Variants in TTLL3 observed in about 807,000 individuals in gnomAD.
The protein encoded by TTLL3 is tubulin tyrosine ligase like 3, also known as tubulin monoglycylase TTLL3.
In TTLL3, 63 loss-of-function variants were observed where a neutral mutation model predicts 75.2. The observed-to-expected ratio is 0.84, with a 90% CI of 0.68 to 1.03. TTLL3 has a LOEUF of 1.03. Ranked by LOEUF, TTLL3 falls within the 50% of genes least tolerant of loss-of-function variation. TTLL3 has a pLI of 0.00. For synonymous variants in TTLL3, 393 were observed against 418.5 expected (o/e 0.94, Z 0.74); for missense variants, 997 against 1,069.9 (o/e 0.93, Z 0.95).
chr3:9,810,501 A>C lies in TTLL3; in HGVS notation c.-42+107A>C, dbSNP rs778902447. On this transcript the variant is annotated intron_variant, in intron 1 of 13. Coordinates refer to ENST00000685419, the MANE Select transcript of TTLL3 (RefSeq NM_001387446.1). The surrounding 1 kb of genome is among the most constrained non-coding windows in gnomAD (Gnocchi z 4.4). ...GGGAGAAGAGCGGCTGAGGGTGGGC[A>C]TCTGGATGAAGGCAGGAGGAAGAAA... is the stretch of plus-strand genomic sequence containing the variant. 12 of 1,456,718 alleles carry C rather than the reference A, an allele frequency of 8.2e-6. No individual in the cohort carries two copies. The highest frequency in any genetic ancestry group is 1.1e-5 in the Non-Finnish European group (12 of 1,103,230). The allele number at this position is 1,456,718 out of a possible 1,614,324, so 90.2% of individuals were successfully genotyped here. A position where few individuals can be genotyped will look rare whatever the true frequency, so the allele number is the denominator to read the frequency against.
At chr3:9,818,613 C>A (rs761597467) in intron 6 of TTLL3, 73 of 1,359,436 alleles carry the variant, frequency 5.4e-5, no homozygotes, top group Non-Finnish European at 6.7e-5. Context: ...CATGATCCAT[C>A]CACCTCAGCC....
At chr3:9,833,705 C>A (rs1359636944) in intron 12 of TTLL3, among the ~76,000 whole-genome samples, 1 of 152,086 alleles carries the variant, frequency 6.6e-6, no homozygotes, top group Non-Finnish European at 1.5e-5. Flanking sequence ...ATTAGCTGGG[C>A]ACGGTGGTGT....
Position 9,813,066 on chromosome 3 carries a change from G to C in TTLL3, c.172G>C (p.Asp58His). The change falls in exon 3 of 14, where the codon GAT becomes CAT. Residue 58 changes from aspartate to histidine, a missense_variant. Asp to His is a moderately conservative substitution (Grantham distance 81). Coordinates refer to ENST00000685419, the MANE Select transcript of TTLL3 (RefSeq NM_001387446.1). ...SGPTLLPPQK[D>H]LDSSAMGDSD... The stretch of plus-strand genomic sequence containing the variant: ...CCCCACCCTGCTGCCACCCCAGAAG[G>C]ATCTGGATAGCTCAGCGATGGGTGA... 1 of 1,586,912 alleles carries C rather than the reference G, an allele frequency of 6.3e-7. No individual in the cohort carries two copies. The highest frequency in any genetic ancestry group is 8.6e-7 in the Non-Finnish European group (1 of 1,164,034).
In TTLL3 at chr3:9,835,807, T is replaced by A; in HGVS notation, c.*318T>A. On this transcript the variant is annotated 3_prime_UTR_variant, in exon 14 of 14. Transcript: ENST00000685419. Reference sequence around the variant, plus strand: ...TAATGCCATGAGACAGGGGAAGGAATTGGCCTTGCCTAAACCTCAGCCCTT... The same window carrying A: ...TAATGCCATGAGACAGGGGAAGGAAATGGCCTTGCCTAAACCTCAGCCCTT... 1 of 316,360 alleles carries A rather than the reference T, an allele frequency of 3.2e-6. No homozygotes were observed. The highest frequency in any genetic ancestry group is 5.8e-6 in the Non-Finnish European group (1 of 172,206). The allele number at this position is 316,360 out of a possible 1,614,324, so 19.6% of individuals were successfully genotyped here.
chr3:9,813,574 G>C (rs1160284811), intron 4 of TTLL3, among the ~76,000 whole-genome samples: 2 of 152,106 alleles, frequency 1.3e-5, no homozygotes, highest in Non-Finnish European at 2.9e-5. Flanking sequence ...GAGGCTAGGA[G>C]TTCAAGACCA....
intron 11 of TTLL3, 136 bp downstream of exon 11, chr3:9,829,531 T>C: frequency 8.6e-7 from 1 of 1,164,380 alleles, no homozygotes; most frequent in Admixed American, 3.2e-5. Context: ...TAAGGTGACC[T>C]CACTTCCTTG....
intron 13 of TTLL3, 30 bp from the exon 14 acceptor site, chr3:9,835,064 C>G (rs2081955971): frequency 1.9e-6 from 3 of 1,589,236 alleles, no homozygotes; most frequent in African/African-American, 1.3e-5. Context: ...TTCTGATCAT[C>G]TCCCTCTTCT....
At chr3:9,821,358 A>G (rs2080393658) in intron 8 of TTLL3, among the ~76,000 whole-genome samples, 1 of 152,186 alleles carries the variant, frequency 6.6e-6, no homozygotes, top group Non-Finnish European at 1.5e-5. Flanking sequence ...TGAAGGCAGA[A>G]CACACAGTAA....
rs1244752274 is a variant in TTLL3, at chr3:9,836,060, A to G, written c.*571A>G. ...TATGGTGGCTCACACCTGTTATCCCAGCACTTTGAGAGGCCAAGGCAGGAG... is the reference window on the plus strand; with the variant it reads ...TATGGTGGCTCACACCTGTTATCCCGGCACTTTGAGAGGCCAAGGCAGGAG... On this transcript the variant is annotated 3_prime_UTR_variant, in exon 14 of 14. Transcript: ENST00000685419. The G allele has an allele frequency of 7.6e-6, 1 of 131,960 alleles. No individual in the cohort carries two copies. The highest frequency in any genetic ancestry group is 1.7e-5 in the Non-Finnish European group (1 of 58,254). 8.2% of individuals were successfully genotyped at this position (131,960 alleles called of 1,614,324 possible). A position where few individuals can be genotyped will look rare whatever the true frequency, so the allele number is the denominator to read the frequency against.
intron 11 of TTLL3, 38 bp from the exon 12 acceptor site, chr3:9,833,066 C>G (rs1356111098): frequency 1.2e-6 from 2 of 1,612,052 alleles, no homozygotes; most frequent in Non-Finnish European, 1.7e-6. Flanking sequence ...TCCAGTACCA[C>G]TGACTGAGTG....
chr3:9,815,878 G>A (rs913585934), intron 4 of TTLL3, among the ~76,000 whole-genome samples, 196 bp from the exon 5 acceptor site: 12 of 152,214 alleles, frequency 7.9e-5, no homozygotes, highest in African/African-American at 2.9e-4. Flanking sequence ...AGGCTGGCTT[G>A]CTCTCTGCCC....
rs1241025401 is a variant in TTLL3 at position 9,835,274 on chromosome 3, C to T, written c.2233C>T (p.Pro745Ser). 6 of 1,613,984 alleles carry T rather than the reference C, an allele frequency of 3.7e-6. No homozygotes were observed. In the African/African-American group the frequency reaches 8.0e-5, roughly 22 times the overall value. ...CATGAAGAGGCTGAGCCCCCTGAAA[C>T]CCCTGCCCCTTGTTGGTACATTCCA... The part of the protein sequence containing the change: ...CPMKRLSPLK[P>S]LPLVGTFQRR... Residue 745 changes from proline to serine, a missense_variant, in exon 14 of 14, where the codon CCC becomes TCC. Coordinates refer to ENST00000685419, the MANE Select transcript of TTLL3 (RefSeq NM_001387446.1).
Position 9,810,780 on chromosome 3 carries a change from C to T in TTLL3, c.48+71C>T. 1 of 1,366,110 alleles carries T rather than the reference C, an allele frequency of 7.3e-7. No homozygotes were observed. The highest frequency in any genetic ancestry group is 1.4e-5 in the South Asian group (1 of 73,516). 84.6% of individuals were successfully genotyped at this position (1,366,110 alleles called of 1,614,324 possible). ...TCAGCCTGTCTCCCTGCGCTGTTTT[C>T]TTATATCCTTAAAAAACAAAAGCAA... is the stretch of plus-strand genomic sequence containing the variant. On this transcript the variant is annotated intron_variant, in intron 2 of 13. Coordinates refer to ENST00000685419, the MANE Select transcript of TTLL3 (RefSeq NM_001387446.1). This position sits in a 1 kb window ranked among gnomAD's most constrained non-coding sequence, Gnocchi z 4.4.
At chr3:9,814,261 A>T (rs2079611102) in intron 4 of TTLL3, among the ~76,000 whole-genome samples, 2 of 151,700 alleles carry the variant, frequency 1.3e-5, no homozygotes. Context: ...ACTTGAACCC[A>T]GGAGGTGGAA....
chr3:9,825,980 A>G (rs764185853), intron 9 of TTLL3, 32 bp downstream of exon 9: 2 of 1,604,262 alleles, frequency 1.2e-6, no homozygotes, highest in South Asian at 2.2e-5. Context: ...CTGCACTGGC[A>G]CCTCACCACC....
intron 11 of TTLL3, among the ~76,000 whole-genome samples, chr3:9,830,000 G>A (rs577287809): frequency 4.3e-4 from 66 of 152,196 alleles, no homozygotes; most frequent in Non-Finnish European, 7.8e-4. Context: ...CTACCACCAC[G>A]CCTGGCTAAT....
chr3:9,816,107 A>G lies in TTLL3; in HGVS notation c.349A>G (p.Ile117Val), dbSNP rs1184056158. The G allele has an allele frequency of 1.5e-6, 2 of 1,352,446 alleles. No individual in the cohort carries two copies. The highest frequency in any genetic ancestry group is 1.2e-5 in the South Asian group (1 of 84,742). The allele number at this position is 1,352,446 out of a possible 1,614,324, so 83.8% of individuals were successfully genotyped here. ...RMVQNEIPYF[I>V]WTTRRDVLDC... ...GGTCCAGAATGAGATCCCCTACTTC[A>G]TCTGGACCACTCGGCGGGATGTGCT... The change falls in exon 5 of 14, where the codon ATC (isoleucine) becomes GTC (valine). Residue 117 changes from isoleucine (I) to valine (V), a missense_variant. Transcript: ENST00000685419.
intron 7 of TTLL3, chr3:9,819,511 C>T (rs1019808691): frequency 2.0e-6 from 2 of 988,346 alleles, no homozygotes; most frequent in African/African-American, 1.7e-5. Flanking sequence ...GTTCAGGTCT[C>T]TGAGGAGGAG....
chr3:9,827,338 T>TA (rs2081138431), intron 10 of TTLL3, 98 bp downstream of exon 10: 1 of 1,535,788 alleles, frequency 6.5e-7, no homozygotes, highest in African/African-American at 1.4e-5. Flanking sequence ...GCAGCAGCGC[T>TA]AGGCTCCACA....
Sources: allele counts gnomAD v4.1 joint callset (sites outside exome capture counted in the v4.1 genomes callset), GRCh38; gene constraint gnomAD v4.1.1; non-coding constraint Gnocchi (gnomAD v3.1); transcripts MANE v1.5; gene names NCBI Gene and HGNC (gene_info 2026-07-23, HGNC 2026-07-21).